Variants in NAF1 observed in about 807,000 individuals in gnomAD.
NAF1 encodes the protein nuclear assembly factor 1 ribonucleoprotein.
Under a neutral mutation model 40.6 loss-of-function variants are expected in NAF1, and 11 were observed. The ratio of observed to expected loss-of-function variants is 0.27; its 90% confidence interval spans 0.17 to 0.45. NAF1 has a LOEUF of 0.45. Ranked by LOEUF, NAF1 falls within the 20% of genes least tolerant of loss-of-function variation. The pLI is 1.00. For synonymous variants in NAF1, 260 were observed against 228.5 expected (o/e 1.14, Z -1.24); for missense variants, 607 against 611.1 (o/e 0.99, Z 0.07).
chr4:163,166,147 G>A (rs185325259), intron 1 of NAF1, among the ~76,000 whole-genome samples: 8 of 152,274 alleles, frequency 5.3e-5, no homozygotes, highest in Admixed American at 4.6e-4. Context: ...TAGGAAATAA[G>A]TCAGTACTAA....
intron 2 of NAF1, among the ~76,000 whole-genome samples, chr4:163,148,635 A>G (rs1271129191): frequency 2.0e-5 from 3 of 152,152 alleles, no homozygotes; most frequent in African/African-American, 7.2e-5. Flanking sequence ...AAGTGACTCA[A>G]CAGGTCTCAA....
At chr4:163,133,844 C>T (rs1023924978) in intron 6 of NAF1, among the ~76,000 whole-genome samples, 1 of 152,086 alleles carries the variant, frequency 6.6e-6, no homozygotes, top group Non-Finnish European at 1.5e-5. Flanking sequence ...GTGGTGCAAT[C>T]TCAGCTCACT....
intron 4 of NAF1, among the ~76,000 whole-genome samples, chr4:163,142,479 G>A (rs1731299207): frequency 6.6e-6 from 1 of 152,198 alleles, no homozygotes; most frequent in Non-Finnish European, 1.5e-5. Flanking sequence ...TCAGGTCTGT[G>A]CAGTATGGTT....
intron 2 of NAF1, among the ~76,000 whole-genome samples, chr4:163,114,409 A>G (rs1730261757): frequency 1.3e-5 from 2 of 152,196 alleles, no homozygotes; most frequent in African/African-American, 2.4e-5. Context: ...TTCCTTGATC[A>G]ACTCGAATCC....
At chr4:163,134,604 G>T (rs1023541311) in intron 6 of NAF1, among the ~76,000 whole-genome samples, 1 of 152,150 alleles carries the variant, frequency 6.6e-6, no homozygotes, top group East Asian at 1.9e-4. Context: ...TTAATGCTAT[G>T]TTATTATAGT....
chr4:163,133,274 A>G lies in NAF1; in HGVS notation c.931-18T>C, dbSNP rs748614332. 5.6e-6 allele frequency: 9 copies of G among 1,593,876 alleles called. No individual in the cohort carries two copies. Among genetic ancestry groups the G allele is most frequent in the South Asian group, 1.1e-5 (1 of 90,502 alleles). On this transcript the variant is annotated intron_variant, in intron 6 of 7. Transcript: ENST00000274054. Reference sequence around the variant, plus strand: ...TCTAAGGCCTTGCAGAGAAAAGTATATAATAGGTTTATGTTACATGAATTT... The same window carrying G: ...TCTAAGGCCTTGCAGAGAAAAGTATGTAATAGGTTTATGTTACATGAATTT...
intron 7 of NAF1, 142 bp from the exon 8 acceptor site, chr4:163,129,490 T>A (rs1730788709): frequency 2.1e-6 from 2 of 937,616 alleles, no homozygotes; most frequent in African/African-American, 3.3e-5. Context: ...AATGGTAAAT[T>A]TGAAATGAAC....
In NAF1 at chr4:163,159,743, G is replaced by A. The variant is rs75988243; in HGVS notation, c.540+4474C>T. Among the ~76,000 whole-genome samples, 1,407 of 152,234 alleles carry A rather than the reference G, an allele frequency of 9.2e-3. 29 individuals carry two copies. The highest frequency in any genetic ancestry group is 0.032 in the African/African-American group (1,322 of 41,552). ...AATAAGCAGTCACCAAAGTATGACAGCTAAATTTCCCCCAAAATTGCCAAT... is the reference window on the plus strand; with the variant it reads ...AATAAGCAGTCACCAAAGTATGACAACTAAATTTCCCCCAAAATTGCCAAT... On this transcript the variant is annotated intron_variant, in intron 2 of 7. Coordinates refer to ENST00000274054, the MANE Select transcript of NAF1 (RefSeq NM_138386.3).
At chr4:163,142,080 G>GA in intron 4 of NAF1, 1 of 211,966 alleles carries the variant, frequency 4.7e-6, no homozygotes, top group Middle Eastern at 2.4e-3. Flanking sequence ...AAAACTTTAA[G>GA]AAAATAGCAA....
At chr4:163,118,302 T>G (rs1484148589) in intron 2 of NAF1, among the ~76,000 whole-genome samples, 3 of 152,146 alleles carry the variant, frequency 2.0e-5, no homozygotes, top group Non-Finnish European at 4.4e-5. Flanking sequence ...GGGACAGGTG[T>G]AATAAAACAG....
At chr4:163,145,064 TC>T (rs1197873133) in intron 4 of NAF1, among the ~76,000 whole-genome samples, 1 of 152,194 alleles carries the variant, frequency 6.6e-6, no homozygotes, top group Non-Finnish European at 1.5e-5. Context: ...AATAAAACTG[TC>T]CCTATTGCCA....
chr4:163,145,888 C>G (rs1168093060), intron 3 of NAF1, 24 bp from the exon 4 acceptor site: 20 of 1,101,824 alleles, frequency 1.8e-5, no homozygotes, highest in Non-Finnish European at 2.4e-5. Context: ...TAGATTACTT[C>G]AAGATTTACT....
At chr4:163,113,017 G>A (rs1329408596) in intron 2 of NAF1, among the ~76,000 whole-genome samples, 1 of 152,164 alleles carries the variant, frequency 6.6e-6, no homozygotes, top group African/African-American at 2.4e-5. Flanking sequence ...TGTAGATGCA[G>A]GAGCAAAGGG....
In NAF1 at chr4:163,155,468, G is replaced by A. The variant is rs1241616222; in HGVS notation, c.541-7034C>T. On this transcript the variant is annotated intron_variant, in intron 2 of 7. Transcript: ENST00000274054. ...AAATCTCAAAAGTCAGTCTTTGTCT[G>A]AGCAGAAATCAGATAATGAAAATAT... is the stretch of plus-strand genomic sequence containing the variant. 2.6e-5 allele frequency among the ~76,000 whole-genome samples: 4 copies of A among 152,096 alleles called. No homozygotes were observed. The East Asian group carries it at 7.7e-4, about 29-fold the overall frequency.
At chr4:163,124,029 C>G (rs1338849357), downstream of NAF1, among the ~76,000 whole-genome samples, 1 of 152,162 alleles carries the variant, frequency 6.6e-6, no homozygotes, top group Admixed American at 6.5e-5. Flanking sequence ...GCTGCTGTAA[C>G]AAAATACCAC....
chr4:163,157,353 AAC>A (rs1274218513), intron 2 of NAF1: 1 of 152,044 alleles, frequency 6.6e-6, no homozygotes, highest in Non-Finnish European at 1.5e-5. Context: ...AAATACTAAA[AAC>A]ACAGCAGTTT....
At chr4:163,104,215 G>T in the NAF1 span, among the ~76,000 whole-genome samples, 1 of 152,130 alleles carries the variant, frequency 6.6e-6, no homozygotes, top group Non-Finnish European at 1.5e-5. Context: ...GCAGGAACCG[G>T]CCGTTTCCAC....
chr4:163,124,473 T>C (rs1398212432), downstream of NAF1, among the ~76,000 whole-genome samples: 1 of 152,222 alleles, frequency 6.6e-6, no homozygotes, highest in African/African-American at 2.4e-5. Flanking sequence ...AAACAATTTC[T>C]TTAGATTATT....
intron 2 of NAF1, among the ~76,000 whole-genome samples, chr4:163,120,425 ATGTT>A (rs1261230799): frequency 6.6e-6 from 1 of 152,210 alleles, no homozygotes. Context: ...GTTAGAAACA[ATGTT>A]TGGCCCATCT....
Sources: gnomAD v4.1 joint callset for allele counts (sites outside exome capture counted in the v4.1 genomes callset) on GRCh38, gnomAD v4.1.1 for gene constraint, MANE v1.5 for transcripts, NCBI Gene and HGNC (gene_info 2026-07-23, HGNC 2026-07-21) for gene names.